Variants in SYNE2 observed in about 807,000 individuals in gnomAD.
SYNE2 encodes the protein nesprin-2.
A neutral mutation model predicts 856.3 loss-of-function variants in SYNE2; 431 were observed. That is an observed-to-expected ratio of 0.50 (90% CI 0.47 to 0.55). The LOEUF (loss-of-function observed/expected upper bound fraction) is 0.55, where lower values mean the gene tolerates loss of function less well. Among genes scored for constraint, SYNE2 ranks in the 20% least tolerant of loss-of-function variants. SYNE2 has a pLI of 0.00. For synonymous variants in SYNE2, 2,923 were observed against 2,872.3 expected (o/e 1.02, Z -0.56); for missense variants, 8,129 against 8,023.2 (o/e 1.01, Z -0.50).
intron 2 of SYNE2, among the ~76,000 whole-genome samples, chr14:63,939,343 T>C (rs1313050908): frequency 1.3e-5 from 2 of 150,404 alleles, no homozygotes; most frequent in African/African-American, 4.9e-5. Flanking sequence ...TGGATTTTTT[T>C]TTTCTTTTTT....
chr14:64,219,109 T>G (rs910844746), intron 109 of SYNE2, 99 bp from the exon 110 acceptor site: 138 of 873,138 alleles, frequency 1.6e-4, no homozygotes, highest in Middle Eastern at 1.1e-3. Flanking sequence ...TTTTTGTTTT[T>G]TTTTTTTTTT....
At chr14:63,862,982 G>C (rs1445256477) in intron 1 of SYNE2, among the ~76,000 whole-genome samples, 11 of 152,012 alleles carry the variant, frequency 7.2e-5, no homozygotes, top group African/African-American at 2.2e-4. Context: ...ATTTTTAGTA[G>C]AGGTGGAATT....
At chr14:64,081,955 G>A (rs8018064) in intron 57 of SYNE2, among the ~76,000 whole-genome samples, 3,055 of 152,030 alleles carry the variant, frequency 0.02, 105 homozygotes, top group African/African-American at 0.067. Flanking sequence ...GCACGGTGGC[G>A]GGCGCCTGTA....
chr14:64,171,731 A>G (rs952251304), intron 94 of SYNE2, among the ~76,000 whole-genome samples: 5 of 152,198 alleles, frequency 3.3e-5, no homozygotes, highest in Admixed American at 3.3e-4. Flanking sequence ...TGAACTAGAA[A>G]GGCGGGTAGG....
At chr14:64,032,038 G>A (rs1369933397) in intron 45 of SYNE2, among the ~76,000 whole-genome samples, 1 of 152,164 alleles carries the variant, frequency 6.6e-6, no homozygotes, top group African/African-American at 2.4e-5. Flanking sequence ...AGGGTCCGGT[G>A]GGACAGTAGT....
intron 45 of SYNE2, among the ~76,000 whole-genome samples, chr14:64,033,149 T>A (rs2097055050): frequency 6.6e-6 from 1 of 151,968 alleles, no homozygotes; most frequent in Non-Finnish European, 1.5e-5. Flanking sequence ...GCCTGGGCAA[T>A]AGCACAACAC....
intron 110 of SYNE2, among the ~76,000 whole-genome samples, 199 bp from the exon 111 acceptor site, chr14:64,220,238 G>A (rs1361669902): frequency 5.3e-5 from 8 of 152,144 alleles, no homozygotes; most frequent in Non-Finnish European, 7.3e-5. Flanking sequence ...CTACTTTGGG[G>A]CCCTGTTGGC....
chr14:64,162,041 G>T (rs778469222), intron 87 of SYNE2, 31 bp from the exon 88 acceptor site: 60 of 1,613,318 alleles, frequency 3.7e-5, no homozygotes, highest in Non-Finnish European at 4.7e-5. Flanking sequence ...AGGAGAGAAT[G>T]AGGGTTATGT....
At chr14:63,915,177 G>T (rs1317445756) in intron 2 of SYNE2, among the ~76,000 whole-genome samples, 2 of 152,070 alleles carry the variant, frequency 1.3e-5, no homozygotes, top group Non-Finnish European at 2.9e-5. Context: ...ATAGATAAAA[G>T]GTACTTTACA....
In SYNE2 at chr14:64,158,463, T is replaced by A. The variant is rs17751454; in HGVS notation, c.15793-162T>A. Among the ~76,000 whole-genome samples the A allele has an allele frequency of 0.22, 32,780 of 152,152 alleles. 3,697 individuals are homozygous for A. The highest frequency in any genetic ancestry group is 0.29 in the Middle Eastern group (85 of 294). On this transcript the variant is annotated intron_variant, in intron 85 of 115. Transcript: ENST00000555002. ...CATTATAAAACAGCCTTCTCTGATA[T>A]GTTCTTATGCATTGACCTACCCTTT...
chr14:63,808,206 G>A (rs1386572500), intron 1 of SYNE2, among the ~76,000 whole-genome samples: 1 of 149,374 alleles, frequency 6.7e-6, no homozygotes, highest in African/African-American at 2.5e-5. Flanking sequence ...GAGATTACAG[G>A]TGTGAGCCAC....
At chr14:64,080,228 C>T (rs2097509318) in intron 55 of SYNE2, among the ~76,000 whole-genome samples, 1 of 152,144 alleles carries the variant, frequency 6.6e-6, no homozygotes, top group African/African-American at 2.4e-5. Context: ...TGTTCCCCTA[C>T]AGCTAATTTG....
At chr14:63,816,935 T>A (rs1889015886) in intron 1 of SYNE2, among the ~76,000 whole-genome samples, 1 of 152,062 alleles carries the variant, frequency 6.6e-6, no homozygotes, top group Non-Finnish European at 1.5e-5. Flanking sequence ...GCTAGGCTAA[T>A]CACAGGCATG....
chr14:63,837,261 G>A (rs140768638), intron 1 of SYNE2, among the ~76,000 whole-genome samples: 2 of 152,200 alleles, frequency 1.3e-5, no homozygotes, highest in Non-Finnish European at 2.9e-5. Flanking sequence ...ACTGAAGCTG[G>A]ACCCCTACAT....
chr14:64,171,694 A>T (rs2098411634), intron 94 of SYNE2, among the ~76,000 whole-genome samples: 1 of 152,198 alleles, frequency 6.6e-6, no homozygotes, highest in African/African-American at 2.4e-5. Flanking sequence ...ACTGGCGCAG[A>T]GCTGGCAAGG....
At chr14:63,830,352 T>C (rs1889624158) in intron 1 of SYNE2, among the ~76,000 whole-genome samples, 2 of 151,800 alleles carry the variant, frequency 1.3e-5, no homozygotes, top group African/African-American at 4.8e-5. Flanking sequence ...AGCTATTAAA[T>C]TGTATACTTC....
chr14:64,032,374 T>C (rs765686531), intron 45 of SYNE2, among the ~76,000 whole-genome samples: 6 of 151,958 alleles, frequency 3.9e-5, no homozygotes, highest in Non-Finnish European at 8.8e-5. Flanking sequence ...CTGGGCAACA[T>C]AGCAAGAACC....
intron 6 of SYNE2, among the ~76,000 whole-genome samples, chr14:63,948,782 GTA>G (rs3062027): frequency 0.024 from 1,037 of 43,764 alleles, 11 homozygotes; most frequent in Non-Finnish European, 0.027. Context: ...ATGTGTGTGT[GTA>G]TATATATATA....
At position 64,225,663 on chromosome 14, in the gene SYNE2, C is replaced by T; in HGVS notation, c.*137C>T. The T allele has an allele frequency of 1.0e-6, 1 of 965,832 alleles. No individual in the cohort carries two copies. Among genetic ancestry groups the T allele is most frequent in the South Asian group, 1.4e-5 (1 of 72,194 alleles). The allele number at this position is 965,832 out of a possible 1,614,324, so 59.8% of individuals were successfully genotyped here. On this transcript the variant is annotated 3_prime_UTR_variant, in exon 116 of 116. Transcript: ENST00000555002. ...GCAGACTTCTTCTGGGCTTACCCAG[C>T]ACGGGCTCCCTGGAGCCCAGGGCAG...
Sources: allele counts gnomAD v4.1 joint callset (sites outside exome capture counted in the v4.1 genomes callset), GRCh38; gene constraint gnomAD v4.1.1; transcripts MANE v1.5; gene names NCBI Gene and HGNC (gene_info 2026-07-23, HGNC 2026-07-21).